The following NKAIN3 variants were observed in gnomAD, a reference collection of about 807,000 sequenced individuals.
The protein encoded by NKAIN3 is sodium/potassium-transporting ATPase subunit beta-1-interacting protein 3.
Under a neutral mutation model 30.2 loss-of-function variants are expected in NKAIN3, and 25 were observed. That is an observed-to-expected ratio of 0.83 (90% confidence interval 0.60 to 1.16). The LOEUF (loss-of-function observed/expected upper bound fraction) is 1.16. Ranked by LOEUF, NKAIN3 falls within the 50% of genes most tolerant of loss-of-function variation. NKAIN3 has a pLI of 0.00. For missense variants in NKAIN3, 225 were observed against 254.1 expected (o/e 0.89, Z 0.78); for synonymous variants, 91 against 89.6 (o/e 1.02, Z -0.09).
At chr8:62,740,089 C>A (rs1210536874) in intron 3 of NKAIN3, among the ~76,000 whole-genome samples, 1 of 152,142 alleles carries the variant, frequency 6.6e-6, no homozygotes, top group Non-Finnish European at 1.5e-5. Context: ...TTAAACCTAT[C>A]AATCACTCTA....
intron 4 of NKAIN3, among the ~76,000 whole-genome samples, chr8:62,909,998 C>T (rs1393958552): frequency 6.6e-6 from 1 of 152,080 alleles, no homozygotes; most frequent in Non-Finnish European, 1.5e-5. Context: ...TCTTGCTATA[C>T]ATTGTTCTGT....
chr8:62,772,329 C>T (rs1817042977), intron 4 of NKAIN3, among the ~76,000 whole-genome samples: 1 of 152,140 alleles, frequency 6.6e-6, no homozygotes, highest in Non-Finnish European at 1.5e-5. Context: ...CTTTGTTGCT[C>T]CCACATCTTG....
At chr8:62,605,519 A>G (rs1811098280) in intron 3 of NKAIN3, among the ~76,000 whole-genome samples, 1 of 151,948 alleles carries the variant, frequency 6.6e-6, no homozygotes, top group African/African-American at 2.4e-5. Context: ...CCCATAAAGT[A>G]TTTAGTATAC....
intron 4 of NKAIN3, among the ~76,000 whole-genome samples, chr8:62,781,408 A>T (rs1336767733): frequency 6.9e-6 from 1 of 144,044 alleles, no homozygotes; most frequent in Non-Finnish European, 1.5e-5. Context: ...CATTTTTCAC[A>T]AGAATAGAAA....
chr8:62,779,004 G>T (rs1032397731), intron 4 of NKAIN3, among the ~76,000 whole-genome samples: 1 of 152,028 alleles, frequency 6.6e-6, no homozygotes, highest in Non-Finnish European at 1.5e-5. Context: ...GAGATGTCAT[G>T]TGGGAGCTAG....
At chr8:62,614,331 C>A (rs1454247725) in intron 3 of NKAIN3, among the ~76,000 whole-genome samples, 1 of 152,056 alleles carries the variant, frequency 6.6e-6, no homozygotes, top group Non-Finnish European at 1.5e-5. Context: ...TTGTTCTCAT[C>A]CCTTACTTTC....
chr8:62,286,041 G>C (rs958977560), intron 1 of NKAIN3, among the ~76,000 whole-genome samples: 1 of 152,120 alleles, frequency 6.6e-6, no homozygotes, highest in Non-Finnish European at 1.5e-5. Flanking sequence ...GTCTAGCCAA[G>C]TACTACGTAT....
At chr8:62,548,442 C>T (rs1325557282) in intron 1 of NKAIN3, among the ~76,000 whole-genome samples, 1 of 152,106 alleles carries the variant, frequency 6.6e-6, no homozygotes, top group African/African-American at 2.4e-5. Context: ...GGGGCTATAG[C>T]CCTTACAGAG....
chr8:62,435,612 C>A (rs144031340), intron 1 of NKAIN3, among the ~76,000 whole-genome samples: 1 of 151,938 alleles, frequency 6.6e-6, no homozygotes. Context: ...CCTGTGAGCA[C>A]GTATAAGGAG....
Position 62,410,486 on chromosome 8 carries a change from T to G in NKAIN3, c.54+161359T>G, listed in dbSNP as rs193013499. On this transcript the variant is annotated intron_variant, in intron 1 of 6. Transcript: ENST00000623646. ...TTATGTATATACCCAGTAATGGGAT[T>G]GCTGGGTTAAGCTCTAAAATTATAG... Among the ~76,000 whole-genome samples, 321 of 152,266 alleles carry G rather than the reference T, an allele frequency of 2.1e-3. 1 individual carries two copies. The highest frequency in any genetic ancestry group is 7.3e-3 in the African/African-American group (305 of 41,560).
chr8:62,434,345 A>G (rs144030455), intron 1 of NKAIN3, among the ~76,000 whole-genome samples: 29 of 152,266 alleles, frequency 1.9e-4, no homozygotes, highest in Non-Finnish European at 1.8e-4. Context: ...AGCTTAGAGT[A>G]ATCAGGGAAC....
At chr8:62,796,915 G>T (rs1410132079) in intron 4 of NKAIN3, among the ~76,000 whole-genome samples, 4 of 151,894 alleles carry the variant, frequency 2.6e-5, no homozygotes, top group Non-Finnish European at 5.9e-5. Context: ...CATACATGCT[G>T]GTTCTCCTGA....
chr8:62,308,217 A>C (rs964882669), intron 1 of NKAIN3, among the ~76,000 whole-genome samples: 8 of 150,518 alleles, frequency 5.3e-5, no homozygotes, highest in Non-Finnish European at 1.2e-4. Context: ...TTGTTTAGTC[A>C]GCTGTACCTC....
chr8:62,533,683 C>T (rs1808557929), intron 1 of NKAIN3, among the ~76,000 whole-genome samples: 1 of 152,162 alleles, frequency 6.6e-6, no homozygotes, highest in Non-Finnish European at 1.5e-5. Flanking sequence ...TCTCCCCTTT[C>T]CTTGAATCTT....
chr8:62,507,647 A>G (rs1807684524), intron 1 of NKAIN3, among the ~76,000 whole-genome samples: 1 of 152,196 alleles, frequency 6.6e-6, no homozygotes, highest in Non-Finnish European at 1.5e-5. Flanking sequence ...TTGTAAAAAA[A>G]ATGGTATCCC....
intron 1 of NKAIN3, among the ~76,000 whole-genome samples, chr8:62,413,949 G>A (rs1362300727): frequency 6.6e-6 from 1 of 151,766 alleles, no homozygotes; most frequent in Non-Finnish European, 1.5e-5. Flanking sequence ...AGACATAATA[G>A]GAACTTATTT....
At chr8:62,800,887 C>A (rs1818035449) in intron 4 of NKAIN3, among the ~76,000 whole-genome samples, 2 of 152,204 alleles carry the variant, frequency 1.3e-5, no homozygotes, top group Non-Finnish European at 2.9e-5. Context: ...ACAGACGGCA[C>A]CTGGAAAATC....
chr8:62,319,147 G>A (rs910706649), intron 1 of NKAIN3, among the ~76,000 whole-genome samples: 2 of 152,134 alleles, frequency 1.3e-5, no homozygotes, highest in African/African-American at 4.8e-5. Flanking sequence ...TTCTCTGATG[G>A]TAGTTTCTAT....
At chr8:62,589,875 T>TA (rs749891159) in intron 3 of NKAIN3, 81 bp downstream of exon 3, 3 of 429,966 alleles carry the variant, frequency 7.0e-6, no homozygotes, top group African/African-American at 2.2e-5. Context: ...TATAGGTATA[T>TA]TGTGTGTGTG....
Sources: allele counts gnomAD v4.1 joint callset (sites outside exome capture counted in the v4.1 genomes callset), GRCh38; gene constraint gnomAD v4.1.1; transcripts MANE v1.5; gene names NCBI Gene and HGNC (gene_info 2026-07-23, HGNC 2026-07-21).